Variants in CLNK observed in about 807,000 individuals in gnomAD.
The protein encoded by CLNK is cytokine dependent hematopoietic cell linker.
CLNK carries 74 observed loss-of-function variants against 68.6 expected under a neutral mutation model. The ratio of observed to expected loss-of-function variants is 1.08; its 90% CI spans 0.89 to 1.31. The LOEUF is 1.31. CLNK is among the 50% of genes most tolerant of loss of function. The pLI, the probability that CLNK is intolerant of heterozygous loss-of-function variation, is 0.00. For missense variants in CLNK, 553 were observed against 515.3 expected (o/e 1.07, Z -0.71); for synonymous variants, 198 against 172.2 (o/e 1.15, Z -1.17).
chr4:10,611,594 C>T (rs1560241454), intron 2 of CLNK, among the ~76,000 whole-genome samples: 1 of 151,970 alleles, frequency 6.6e-6, no homozygotes, highest in African/African-American at 2.4e-5. Flanking sequence ...GAGAAGGAGC[C>T]CCCCAGGAAA....
Position 10,566,078 on chromosome 4 carries a change from G to A in CLNK, c.223C>T (p.Arg75Trp), listed in dbSNP as rs577423431. The A allele has an allele frequency of 1.4e-5, 22 of 1,613,884 alleles. No individual in the cohort carries two copies. The highest frequency in any genetic ancestry group is 1.2e-4 in the African/African-American group (9 of 75,022). The change falls in exon 6 of 19, where the codon CGG (arginine) becomes TGG (tryptophan). Residue 75 changes from arginine to tryptophan, a missense_variant. Physicochemically the swap from Arg to Trp is moderately radical, Grantham distance 101. Transcript: ENST00000226951. ...SDDDYDDPEL[R>W]MEETWQSIKI... The stretch of plus-strand genomic sequence containing the variant: ...ATCGACTGCCATGTCTCTTCCATCC[G>A]AAGCTCAGGGTCATCATAGTCATCA...
chr4:10,688,398 G>A (rs1328281519), upstream of CLNK, among the ~76,000 whole-genome samples: 13 of 152,116 alleles, frequency 8.5e-5, no homozygotes, highest in Non-Finnish European at 1.5e-5. Context: ...AAAAACAGGG[G>A]GAAAAACCCA....
At chr4:10,676,348 T>C (rs1724871839) in intron 1 of CLNK, among the ~76,000 whole-genome samples, 1 of 151,776 alleles carries the variant, frequency 6.6e-6, no homozygotes, top group South Asian at 2.1e-4. Context: ...TGGATTTCCA[T>C]TGAGTGGAGG....
Position 10,667,884 on chromosome 4 carries a change from G to C in CLNK, c.-15C>G. The C allele has an allele frequency of 1.5e-6, 2 of 1,347,732 alleles. No individual in the cohort carries two copies. The highest frequency in any genetic ancestry group is 1.9e-6 in the Non-Finnish European group (2 of 1,036,496). The allele number at this position is 1,347,732 out of a possible 1,614,324, so 83.5% of individuals were successfully genotyped here. ...TGCCTGTTCATAGTTCTTGGCACCT[G>C]GCGGGTAAGAGGGATCTTCAATTCA... On this transcript the variant is annotated 5_prime_UTR_variant, in exon 2 of 19. Transcript: ENST00000226951.
rs1577119663 is a variant in CLNK at position 10,544,999 on chromosome 4, G to A, written c.446-2719C>T. The stretch of plus-strand genomic sequence containing the variant: ...GGATTGATCTATTTATGAGGACAGA[G>A]TCCTCATCATACAATCACCTCTTAA... On this transcript the variant is annotated intron_variant, in intron 8 of 18. Coordinates refer to ENST00000226951, the MANE Select transcript of CLNK (RefSeq NM_052964.4). 2.0e-5 allele frequency among the ~76,000 whole-genome samples: 3 copies of A among 152,172 alleles called. No individual in the cohort carries two copies. The South Asian group carries it at 6.2e-4, about 32-fold the overall frequency.
At chr4:10,668,280 T>C (rs1338386044) in intron 1 of CLNK, among the ~76,000 whole-genome samples, 1 of 152,232 alleles carries the variant, frequency 6.6e-6, no homozygotes, top group Non-Finnish European at 1.5e-5. Flanking sequence ...AGGGTGCTTT[T>C]CATTTCCAAA....
At chr4:10,594,090 C>T (rs967705160) in intron 3 of CLNK, among the ~76,000 whole-genome samples, 6 of 152,216 alleles carry the variant, frequency 3.9e-5, no homozygotes, top group Non-Finnish European at 7.3e-5. Context: ...TATGTATATA[C>T]TTTGCAGTTC....
intron 2 of CLNK, among the ~76,000 whole-genome samples, chr4:10,615,350 A>G (rs1247503575): frequency 6.6e-6 from 1 of 152,158 alleles, no homozygotes; most frequent in Admixed American, 6.5e-5. Flanking sequence ...GCATGGTGGC[A>G]CATGCCTATA....
chr4:10,675,068 G>T (rs1044049819), intron 1 of CLNK, among the ~76,000 whole-genome samples: 1 of 152,112 alleles, frequency 6.6e-6, no homozygotes, highest in African/African-American at 2.4e-5. Context: ...GGGTTGGATG[G>T]ATGCAGCAAA....
At chr4:10,503,211 C>T (rs538834277) in intron 17 of CLNK, among the ~76,000 whole-genome samples, 1 of 152,028 alleles carries the variant, frequency 6.6e-6, no homozygotes, top group African/African-American at 2.4e-5. Flanking sequence ...CCTGTAATCC[C>T]AACACTTGGG....
chr4:10,639,910 C>A (rs992580921), intron 2 of CLNK, among the ~76,000 whole-genome samples: 1 of 152,202 alleles, frequency 6.6e-6, no homozygotes. Flanking sequence ...TCTTCCATGA[C>A]GCACATAAAG....
intron 2 of CLNK, among the ~76,000 whole-genome samples, chr4:10,642,179 A>C (rs764721518): frequency 3.3e-5 from 5 of 152,206 alleles, no homozygotes; most frequent in Non-Finnish European, 7.3e-5. Flanking sequence ...AATTGGACAT[A>C]CATAGCATCC....
chr4:10,580,158 G>T (rs58442828), intron 4 of CLNK, among the ~76,000 whole-genome samples: 1 of 151,898 alleles, frequency 6.6e-6, no homozygotes, highest in Non-Finnish European at 1.5e-5. Context: ...TCCACTGATC[G>T]GATCCATATC....
At position 10,637,761 on chromosome 4, in the gene CLNK, A is replaced by AT. The variant is rs375771015; in HGVS notation, c.11+30097dup. Reference sequence around the variant, plus strand: ...AGGTGCCCGCCACCAGGCCCAGCTAATTTTTTTTTTTTTTGTAGTTTTAGT... The same window carrying AT: ...AGGTGCCCGCCACCAGGCCCAGCTAATTTTTTTTTTTTTTTGTAGTTTTAGT... On this transcript the variant is annotated intron_variant, in intron 2 of 18. Coordinates refer to ENST00000226951, the MANE Select transcript of CLNK (RefSeq NM_052964.4). Among the ~76,000 whole-genome samples the AT allele has an allele frequency of 7.1e-3, 999 of 140,752 alleles. 6 individuals are homozygous for AT. Among genetic ancestry groups the AT allele is most frequent in the Non-Finnish European group, 8.2e-3 (530 of 64,480 alleles). 92.3% of individuals were successfully genotyped at this position (140,752 alleles called of 152,430 possible). A position where few individuals can be genotyped will look rare whatever the true frequency, so the allele number is the denominator to read the frequency against.
At chr4:10,563,278 A>G (rs1476291138) in intron 7 of CLNK, among the ~76,000 whole-genome samples, 1 of 152,240 alleles carries the variant, frequency 6.6e-6, no homozygotes, top group Non-Finnish European at 1.5e-5. Flanking sequence ...CCCTTTTTAA[A>G]AAATACAACT....
chr4:10,667,078 T>G (rs1724428837), intron 2 of CLNK, among the ~76,000 whole-genome samples: 2 of 152,266 alleles, frequency 1.3e-5, no homozygotes, highest in South Asian at 4.1e-4. Flanking sequence ...AGGAACTTCT[T>G]GCATATCCAG....
At chr4:10,725,748 G>A in the CLNK span, among the ~76,000 whole-genome samples, 59,233 of 151,556 alleles carry the variant, frequency 0.39, 11,747 homozygotes, top group South Asian at 0.42. Flanking sequence ...CCAGCTACTC[G>A]GGAGGCTGAG....
chr4:10,648,195 A>C (rs1190107095), intron 2 of CLNK, among the ~76,000 whole-genome samples: 2 of 152,172 alleles, frequency 1.3e-5, no homozygotes, highest in Non-Finnish European at 2.9e-5. Flanking sequence ...AGTCCTTTTG[A>C]AGTGATTAAG....
the CLNK span, among the ~76,000 whole-genome samples, chr4:10,695,822 T>A: frequency 6.6e-6 from 1 of 152,030 alleles, no homozygotes; most frequent in African/African-American, 2.4e-5. Context: ...CCCTGCCTTG[T>A]CTTTGAGAAT....
Sources: gnomAD v4.1 joint callset for allele counts (sites outside exome capture counted in the v4.1 genomes callset) on GRCh38, gnomAD v4.1.1 for gene constraint, MANE v1.5 for transcripts, NCBI Gene and HGNC (gene_info 2026-07-23, HGNC 2026-07-21) for gene names.